Variants in RASA1 observed in about 807,000 individuals in gnomAD.
The protein encoded by RASA1 is RAS p21 protein activator 1.
RASA1 carries 25 observed loss-of-function variants against 132.2 expected under a neutral mutation model. That is an observed-to-expected ratio of 0.19 (90% CI 0.14 to 0.26). The LOEUF (loss-of-function observed/expected upper bound fraction) is 0.26, where lower values mean the gene tolerates loss of function less well. RASA1 is among the 10% of genes least tolerant of loss of function. RASA1 has a pLI of 1.00. For missense variants in RASA1, 964 were observed against 1,299.2 expected, an observed-to-expected ratio of 0.74 and a Z score of 3.97; for synonymous variants, 477 against 449.9, an observed-to-expected ratio of 1.06 and a Z score of -0.76.
chr5:87,376,183 C>A, intron 15 of RASA1: 1 of 602,794 alleles, frequency 1.7e-6, no homozygotes, highest in Non-Finnish European at 2.9e-6. Flanking sequence ...ACATCTCAAT[C>A]ATCTCTGTAC....
chr5:87,277,208 C>T (rs961896108), intron 1 of RASA1, among the ~76,000 whole-genome samples: 1 of 152,052 alleles, frequency 6.6e-6, no homozygotes. Context: ...TTTTGTCTTG[C>T]CCCTTTCCAT....
chr5:87,287,546 A>C lies in RASA1; in HGVS notation c.539+18556A>C, dbSNP rs190166359. 3.1e-3 allele frequency among the ~76,000 whole-genome samples: 458 copies of C among 146,470 alleles called. 3 individuals are homozygous for C. Among genetic ancestry groups the C allele is most frequent in the African/African-American group, 0.011 (444 of 39,512 alleles). ...TATACCATATATATACCATATATAC[A>C]CACCATATATATACACCATACATAT... is the stretch of plus-strand genomic sequence containing the variant. On this transcript the variant is annotated intron_variant, in intron 1 of 24. Transcript: ENST00000274376.
At chr5:87,323,435 C>T (rs1242430577) in intron 1 of RASA1, among the ~76,000 whole-genome samples, 1 of 152,002 alleles carries the variant, frequency 6.6e-6, no homozygotes, top group African/African-American at 2.4e-5. Context: ...AATGCCTGTT[C>T]CCCTGCCCTG....
rs749648509 is a variant in RASA1 at position 87,338,091 on chromosome 5, G to C, written c.1017G>C (p.Val339=). The C allele has an allele frequency of 3.1e-6, 5 of 1,611,696 alleles. No individual in the cohort carries two copies. Among genetic ancestry groups the C allele is most frequent in the Non-Finnish European group, 4.2e-6 (5 of 1,178,814 alleles). Residue 339 remains valine (V), a splice_region_variant and synonymous_variant, in exon 5 of 25, where the codon GTG becomes GTC. Coordinates refer to ENST00000274376, the MANE Select transcript of RASA1 (RefSeq NM_002890.3). ...GLIVEDLVEE[V]GREEDPHEGK... ...TTGTTGAAGACCTAGTAGAAGAGGT[G>C]GTAAGTTTTGTTCTTTTCTTCTCAA...
At chr5:87,292,367 C>CT (rs76957126) in intron 1 of RASA1, among the ~76,000 whole-genome samples, 1,549 of 120,216 alleles carry the variant, frequency 0.013, 15 homozygotes, top group African/African-American at 0.026. Flanking sequence ...TGTTTACATT[C>CT]TTTTTTTTTT....
intron 19 of RASA1, 25 bp from the exon 20 acceptor site, chr5:87,380,484 T>G: frequency 1.9e-6 from 3 of 1,575,564 alleles, no homozygotes; most frequent in Non-Finnish European, 2.6e-6. Context: ...CTTTCTGTGT[T>G]GAGATGATTG....
intron 1 of RASA1, among the ~76,000 whole-genome samples, chr5:87,278,879 T>C (rs915920192): frequency 4.0e-5 from 6 of 150,608 alleles, no homozygotes. Flanking sequence ...CCTTCCTCTT[T>C]CCTTATTCCC....
At chr5:87,363,868 A>G (rs1476100907) in intron 11 of RASA1, among the ~76,000 whole-genome samples, 2 of 152,124 alleles carry the variant, frequency 1.3e-5, no homozygotes, top group Non-Finnish European at 2.9e-5. Context: ...TATTAACTCT[A>G]TAAGCAAGTT....
chr5:87,313,000 G>C (rs1190776763), intron 1 of RASA1, among the ~76,000 whole-genome samples: 5 of 152,184 alleles, frequency 3.3e-5, no homozygotes, highest in Admixed American at 3.3e-4. Flanking sequence ...GAGGGAGAAA[G>C]AGTTCCCACA....
At chr5:87,287,526 C>A (rs1754683436) in intron 1 of RASA1, among the ~76,000 whole-genome samples, 1 of 143,886 alleles carries the variant, frequency 6.9e-6, no homozygotes, top group Non-Finnish European at 1.5e-5. Flanking sequence ...ATATATATAC[C>A]ATATATATAC....
At chr5:87,275,638 A>C (rs1429106843) in intron 1 of RASA1, among the ~76,000 whole-genome samples, 2 of 151,020 alleles carry the variant, frequency 1.3e-5, no homozygotes, top group Non-Finnish European at 2.9e-5. Context: ...GTGCAGTGGT[A>C]TGGCTCACTG....
chr5:87,357,560 C>G (rs968862291), intron 9 of RASA1, among the ~76,000 whole-genome samples: 3 of 152,080 alleles, frequency 2.0e-5, no homozygotes, highest in African/African-American at 7.2e-5. Context: ...AAAAAATTAG[C>G]TGGGTGTGGT....
chr5:87,304,796 A>G (rs1755533172), intron 1 of RASA1, among the ~76,000 whole-genome samples: 1 of 152,012 alleles, frequency 6.6e-6, no homozygotes, highest in African/African-American at 2.4e-5. Flanking sequence ...TTCATTAGAT[A>G]TTACTGCTTT....
chr5:87,312,424 C>T (rs1410792940), intron 1 of RASA1, among the ~76,000 whole-genome samples: 1 of 152,134 alleles, frequency 6.6e-6, no homozygotes, highest in Non-Finnish European at 1.5e-5. Context: ...TTAACAGTTA[C>T]TCCATTATGT....
At chr5:87,329,805 A>T (rs1465881269) in intron 1 of RASA1, among the ~76,000 whole-genome samples, 1 of 152,194 alleles carries the variant, frequency 6.6e-6, no homozygotes, top group African/African-American at 2.4e-5. Flanking sequence ...AGGATATCCC[A>T]TATATTTTCA....
intron 1 of RASA1, among the ~76,000 whole-genome samples, chr5:87,293,509 A>G (rs1334847500): frequency 6.6e-6 from 1 of 152,160 alleles, no homozygotes; most frequent in Non-Finnish European, 1.5e-5. Context: ...GGATGTTCGC[A>G]TCTATGTTCA....
At position 87,383,707 on chromosome 5, in the gene RASA1, A is replaced by G. The variant is rs745758645; in HGVS notation, c.2691-6A>G. 1 of 1,594,660 alleles carries G rather than the reference A, an allele frequency of 6.3e-7. No homozygotes were observed. The highest frequency in any genetic ancestry group is 1.4e-5 in the African/African-American group (1 of 73,614). ...AAAAAAAAAAAAAAATTTCCCTCCC[A>G]TTCAGTGGTTTTGTTTTTCTTCGAC... On this transcript the variant is annotated splice_region_variant and splice_polypyrimidine_tract_variant and intron_variant, in intron 20 of 24. Transcript: ENST00000274376.
Position 87,389,291 on chromosome 5 carries a change from A to G in RASA1, c.2926-102A>G, listed in dbSNP as rs189131633. ...GGTTGCAGTGAGCCGAGATCATGCC[A>G]TTGCATTTCAGCCTGGGCAACAAGA... On this transcript the variant is annotated intron_variant, in intron 23 of 24. Transcript: ENST00000274376. The G allele has an allele frequency of 1.9e-4, 281 of 1,460,718 alleles. 2 individuals are homozygous for G. In the African/African-American group the frequency reaches 3.0e-3, roughly 16 times the overall value. 90.5% of individuals were successfully genotyped at this position (1,460,718 alleles called of 1,614,324 possible).
At chr5:87,389,583 G>T in intron 24 of RASA1, 56 bp downstream of exon 24, 1 of 1,591,240 alleles carries the variant, frequency 6.3e-7, no homozygotes, top group Non-Finnish European at 8.6e-7. Flanking sequence ...CACTTAGAGA[G>T]TTAATAAATA....
Sources: allele counts gnomAD v4.1 joint callset (sites outside exome capture counted in the v4.1 genomes callset), GRCh38; gene constraint gnomAD v4.1.1; transcripts MANE v1.5; gene names NCBI Gene and HGNC (gene_info 2026-07-23, HGNC 2026-07-21).